Variants in RNF17 observed in about 807,000 individuals in gnomAD.
RNF17 encodes the protein spermatogenesis associated 23.
A neutral mutation model predicts 200.5 loss-of-function variants in RNF17; 31 were observed. That is an observed-to-expected ratio of 0.15 (90% CI 0.12 to 0.21). RNF17 has a LOEUF of 0.21. Ranked by LOEUF, RNF17 falls within the 10% of genes least tolerant of loss-of-function variation. The pLI is 1.00. For missense variants in RNF17, 1,628 were observed against 1,905.1 expected, an observed-to-expected ratio of 0.85 and a Z score of 2.71; for synonymous variants, 606 against 637.8, an observed-to-expected ratio of 0.95 and a Z score of 0.75.
chr13:24,884,242 A>T (rs779826750), downstream of RNF17: 8 of 1,614,122 alleles, frequency 5.0e-6, no homozygotes, highest in Non-Finnish European at 6.8e-6. Context: ...GCATAGTAGT[A>T]GATCTGTAAA....
intron 15 of RNF17, among the ~76,000 whole-genome samples, chr13:24,809,737 T>G (rs963763148): frequency 2.6e-5 from 4 of 152,224 alleles, no homozygotes; most frequent in Non-Finnish European, 5.9e-5. Context: ...GATGTTAGGG[T>G]GTCAATTTTG....
At chr13:24,883,098 TTAAAC>T, downstream of RNF17, 8 of 1,274,430 alleles carry the variant, frequency 6.3e-6, no homozygotes, top group Non-Finnish European at 8.0e-6. Flanking sequence ...ACACAATAAA[TTAAAC>T]AGAATCCACA....
the RNF17 span, among the ~76,000 whole-genome samples, chr13:24,755,508 T>C: frequency 6.6e-6 from 1 of 152,236 alleles, no homozygotes; most frequent in Non-Finnish European, 1.5e-5. Context: ...AAGTATGTAA[T>C]AAATTCCATA....
intron 15 of RNF17, among the ~76,000 whole-genome samples, chr13:24,806,904 T>C (rs1377496582): frequency 6.6e-6 from 1 of 150,748 alleles, no homozygotes; most frequent in African/African-American, 2.4e-5. Context: ...CGGTGTTTGG[T>C]TTTTTGTTCT....
chr13:24,883,034 G>T, downstream of RNF17: 1 of 705,678 alleles, frequency 1.4e-6, no homozygotes, highest in Non-Finnish European at 2.5e-6. Flanking sequence ...ATATAAAAAT[G>T]AAGATGCCAC....
intron 15 of RNF17, among the ~76,000 whole-genome samples, chr13:24,813,771 A>G (rs910245238): frequency 1.0e-4 from 15 of 144,678 alleles, no homozygotes; most frequent in African/African-American, 3.6e-4. Flanking sequence ...CTAGAACTGC[A>G]GGCATGCAGC....
intron 16 of RNF17, among the ~76,000 whole-genome samples, chr13:24,827,552 A>C (rs1888818639): frequency 6.6e-6 from 1 of 151,668 alleles, no homozygotes; most frequent in African/African-American, 2.4e-5. Context: ...AATACAAAAA[A>C]TTAGCCGGGC....
chr13:24,787,912 T>G, intron 6 of RNF17, 76 bp from the exon 7 acceptor site: 1 of 1,196,342 alleles, frequency 8.4e-7, no homozygotes, highest in Non-Finnish European at 1.1e-6. Flanking sequence ...AACTTACTCT[T>G]CAAGATACTA....
chr13:24,764,573 C>T (rs1304592901), intron 1 of RNF17, among the ~76,000 whole-genome samples: 4 of 152,250 alleles, frequency 2.6e-5, no homozygotes, highest in African/African-American at 4.8e-5. Flanking sequence ...GCCTCACCGA[C>T]CCTCCAGCCG....
chr13:24,851,290 G>A (rs942758807), intron 23 of RNF17, among the ~76,000 whole-genome samples, 166 bp from the exon 24 acceptor site: 3 of 152,192 alleles, frequency 2.0e-5, no homozygotes, highest in Non-Finnish European at 2.9e-5. Context: ...CACTGCACTC[G>A]GCCCAGTGCT....
the RNF17 span, among the ~76,000 whole-genome samples, chr13:24,759,079 C>CAAAAA: frequency 1.5e-3 from 95 of 65,080 alleles, no homozygotes; most frequent in East Asian, 2.5e-3. Flanking sequence ...ACTGTGTCTC[C>CAAAAA]AAAAAAAAAA....
chr13:24,869,397 C>A (rs1159589234), intron 31 of RNF17, among the ~76,000 whole-genome samples: 1 of 152,166 alleles, frequency 6.6e-6, no homozygotes, highest in Non-Finnish European at 1.5e-5. Context: ...ACAACTATTG[C>A]TGGTTTTGGT....
chr13:24,788,398 A>G (rs1481375715), intron 7 of RNF17, among the ~76,000 whole-genome samples: 1 of 152,098 alleles, frequency 6.6e-6, no homozygotes, highest in Non-Finnish European at 1.5e-5. Flanking sequence ...CAGTTAGGGA[A>G]ATGGTGCAAT....
intron 29 of RNF17, 85 bp from the exon 30 acceptor site, chr13:24,866,059 C>G (rs2138360774): frequency 2.7e-6 from 2 of 737,024 alleles, no homozygotes. Flanking sequence ...AGGAAATGCA[C>G]CCAGTTTTTG....
intron 16 of RNF17, among the ~76,000 whole-genome samples, chr13:24,829,536 C>T (rs1454367212): frequency 6.6e-6 from 1 of 152,158 alleles, no homozygotes; most frequent in Non-Finnish European, 1.5e-5. Flanking sequence ...TATAATAACA[C>T]TTATCTTCTC....
the RNF17 span, among the ~76,000 whole-genome samples, chr13:24,888,375 C>T: frequency 6.6e-6 from 1 of 152,120 alleles, no homozygotes; most frequent in Non-Finnish European, 1.5e-5. Context: ...CACACACACA[C>T]ATCCAAAATT....
chr13:24,851,452 A>G lies in RNF17; in HGVS notation c.3205-4A>G. ...ATATTTACTCTGCTCTTAAATCACT[A>G]CAGGAAAACAACACAACATGGCCAT... On this transcript the variant is annotated splice_region_variant and splice_polypyrimidine_tract_variant and intron_variant, in intron 23 of 35. Coordinates refer to ENST00000255324, the MANE Select transcript of RNF17 (RefSeq NM_031277.3). 6.3e-7 allele frequency: 1 copy of G among 1,597,904 alleles called. No individual in the cohort carries two copies. Among genetic ancestry groups the G allele is most frequent in the Non-Finnish European group, 8.6e-7 (1 of 1,166,820 alleles).
rs749221447 is a variant in RNF17, at chr13:24,825,699, C to T, written c.2172C>T (p.Ile724=). Residue 724 remains isoleucine (I), a synonymous_variant, in exon 16 of 36, where the codon ATC becomes ATT. Transcript: ENST00000255324. ...GTGAAGATGGAGAAAATCTGGAAAT[C>T]CTCTGTCCAGTTCAAGATCAAGCCT... The part of the protein sequence containing the change: ...YKSEDGENLE[I]LCPVQDQACV... 4 of 1,613,210 alleles carry T rather than the reference C, an allele frequency of 2.5e-6. No individual in the cohort carries two copies. Among genetic ancestry groups the T allele is most frequent in the South Asian group, 1.1e-5 (1 of 91,014 alleles).
chr13:24,749,307 C>CTTTCTTTCTTTCTTTCTT, the RNF17 span, among the ~76,000 whole-genome samples: 92 of 108,002 alleles, frequency 8.5e-4, 1 homozygote, highest in Non-Finnish European at 1.4e-3. Context: ...TTCTTTCTTT[C>CTTTCTTTCTTTCTTTCTT]TTTTTTTTTT....
Sources: gnomAD v4.1 joint callset for allele counts (sites outside exome capture counted in the v4.1 genomes callset) on GRCh38, gnomAD v4.1.1 for gene constraint, MANE v1.5 for transcripts, NCBI Gene and HGNC (gene_info 2026-07-23, HGNC 2026-07-21) for gene names.